Variants in SEMA6D observed in about 807,000 individuals in gnomAD.
SEMA6D encodes the protein semaphorin 6D.
In SEMA6D, 35 loss-of-function variants were observed where a neutral mutation model predicts 106.6. The ratio of observed to expected loss-of-function variants is 0.33; its 90% CI spans 0.25 to 0.44. SEMA6D has a LOEUF of 0.44. SEMA6D is among the 20% of genes least tolerant of loss of function. The pLI is 1.00. For missense variants in SEMA6D, 1,185 were observed against 1,345.9 expected (o/e 0.88, Z 1.87); for synonymous variants, 499 against 487.7 (o/e 1.02, Z -0.31).
At chr15:47,593,176 G>A (rs12909734) in intron 3 of SEMA6D, among the ~76,000 whole-genome samples, 101,830 of 151,836 alleles carry the variant, frequency 0.67, 37,935 homozygotes, top group Middle Eastern at 0.83. Flanking sequence ...AAGCCGAGGC[G>A]GGCGGATCAC....
chr15:47,588,104 C>T (rs2076375776), intron 3 of SEMA6D, among the ~76,000 whole-genome samples: 1 of 152,172 alleles, frequency 6.6e-6, no homozygotes, highest in African/African-American at 2.4e-5. Context: ...TTCTCACTGG[C>T]TCCCTCCCAC....
chr15:47,354,195 C>A (rs1195520242), intron 1 of SEMA6D, among the ~76,000 whole-genome samples: 4 of 14,762 alleles, frequency 2.7e-4, no homozygotes, highest in Non-Finnish European at 6.4e-4. Flanking sequence ...CTCTCTCTCT[C>A]TCTCTATATA....
intron 3 of SEMA6D, among the ~76,000 whole-genome samples, chr15:47,531,065 A>G (rs1369821939): frequency 1.3e-5 from 2 of 152,236 alleles, no homozygotes; most frequent in Non-Finnish European, 2.9e-5. Context: ...ATAAGGATCA[A>G]TGAATCATGA....
intron 4 of SEMA6D, among the ~76,000 whole-genome samples, chr15:47,622,409 C>G (rs2077123221): frequency 6.6e-6 from 1 of 152,052 alleles, no homozygotes; most frequent in Non-Finnish European, 1.5e-5. Flanking sequence ...ATGCTAAAGC[C>G]AGGAAATTCA....
At chr15:47,673,573 G>A (rs971409969) in intron 4 of SEMA6D, among the ~76,000 whole-genome samples, 4 of 152,122 alleles carry the variant, frequency 2.6e-5, no homozygotes, top group Non-Finnish European at 4.4e-5. Context: ...AGGTTTGCAG[G>A]GGAACCTCGT....
At chr15:47,539,072 C>T (rs1053190520) in intron 3 of SEMA6D, among the ~76,000 whole-genome samples, 10 of 152,188 alleles carry the variant, frequency 6.6e-5, no homozygotes, top group African/African-American at 2.2e-4. Context: ...GATAACCACG[C>T]CTTTCCCGGA....
chr15:47,350,150 A>G (rs1595794221), intron 1 of SEMA6D, among the ~76,000 whole-genome samples: 1 of 70,006 alleles, frequency 1.4e-5, no homozygotes, highest in Non-Finnish European at 4.7e-5. Flanking sequence ...AATTTCTACT[A>G]ATTTCAAATC....
At chr15:47,461,204 T>C (rs1411260802) in intron 2 of SEMA6D, among the ~76,000 whole-genome samples, 2 of 152,100 alleles carry the variant, frequency 1.3e-5, no homozygotes, top group African/African-American at 4.8e-5. Flanking sequence ...GGTGACCACA[T>C]TGCCTAAAAT....
chr15:47,542,549 GT>G (rs1795734242), intron 3 of SEMA6D, among the ~76,000 whole-genome samples: 1 of 152,144 alleles, frequency 6.6e-6, no homozygotes, highest in African/African-American at 2.4e-5. Context: ...CAAGAGACCT[GT>G]TTTGGCTTAA....
chr15:47,753,790 G>A (rs1351918118), intron 1 of SEMA6D, among the ~76,000 whole-genome samples: 2 of 152,164 alleles, frequency 1.3e-5, no homozygotes, highest in Admixed American at 6.5e-5. Context: ...GGAGGCCAAA[G>A]GTCTGGAAGA....
chr15:47,229,000 A>G (rs1179183324), intron 1 of SEMA6D, among the ~76,000 whole-genome samples: 1 of 152,068 alleles, frequency 6.6e-6, no homozygotes, highest in Non-Finnish European at 1.5e-5. Flanking sequence ...TGGATGGGCC[A>G]TGAGAGATCG....
chr15:47,292,871 G>T (rs1428100386), intron 1 of SEMA6D, among the ~76,000 whole-genome samples: 1 of 152,152 alleles, frequency 6.6e-6, no homozygotes, highest in South Asian at 2.1e-4. Flanking sequence ...GGGTATACCA[G>T]TTCAAATATT....
chr15:47,475,157 T>C (rs906109518), intron 3 of SEMA6D, among the ~76,000 whole-genome samples: 4 of 152,168 alleles, frequency 2.6e-5, no homozygotes, highest in Non-Finnish European at 2.9e-5. Context: ...ATTCAGTTAA[T>C]TTTTGCTGAA....
intron 1 of SEMA6D, among the ~76,000 whole-genome samples, chr15:47,327,641 C>CCACAACA (rs2037183629): frequency 6.6e-6 from 1 of 152,022 alleles, no homozygotes; most frequent in Non-Finnish European, 1.5e-5. Context: ...AGATGGTATG[C>CCACAACA]AAGCCACAAC....
At chr15:47,384,523 G>A (rs2039749506) in intron 1 of SEMA6D, among the ~76,000 whole-genome samples, 1 of 152,320 alleles carries the variant, frequency 6.6e-6, no homozygotes, top group Non-Finnish European at 1.5e-5. Flanking sequence ...ACTAATCTGT[G>A]CAATGAGCAG....
At chr15:47,493,549 T>A (rs1193080235) in intron 3 of SEMA6D, among the ~76,000 whole-genome samples, 1 of 152,176 alleles carries the variant, frequency 6.6e-6, no homozygotes, top group Non-Finnish European at 1.5e-5. Flanking sequence ...GGAGAATCAG[T>A]CAGTACACTG....
At chr15:47,261,994 A>G (rs2034096897) in intron 1 of SEMA6D, among the ~76,000 whole-genome samples, 1 of 152,150 alleles carries the variant, frequency 6.6e-6, no homozygotes, top group Non-Finnish European at 1.5e-5. Flanking sequence ...ACAATCTTAT[A>G]CAGCATCAGT....
intron 3 of SEMA6D, among the ~76,000 whole-genome samples, chr15:47,553,092 C>A (rs2045810739): frequency 6.7e-6 from 1 of 149,920 alleles, no homozygotes; most frequent in Non-Finnish European, 1.5e-5. Flanking sequence ...TTATTAGAGA[C>A]AGGGTTTCAC....
At chr15:47,742,404 G>T (rs913682518) in intron 1 of SEMA6D, among the ~76,000 whole-genome samples, 1 of 152,118 alleles carries the variant, frequency 6.6e-6, no homozygotes, top group African/African-American at 2.4e-5. Flanking sequence ...CTTGCTGCAC[G>T]GGAGGGATCC....
Sources: allele counts gnomAD v4.1 joint callset (sites outside exome capture counted in the v4.1 genomes callset), GRCh38; gene constraint gnomAD v4.1.1; transcripts MANE v1.5; gene names NCBI Gene and HGNC (gene_info 2026-07-23, HGNC 2026-07-21).